Variants in NRCAM observed in about 807,000 individuals in gnomAD.
NRCAM encodes the protein NgCAM-related cell adhesion molecule.
A neutral mutation model predicts 156.5 loss-of-function variants in NRCAM; 83 were observed. That is an observed-to-expected ratio of 0.53 (90% CI 0.44 to 0.64). The LOEUF (loss-of-function observed/expected upper bound fraction) is 0.64. Among genes scored for constraint, NRCAM ranks in the 30% least tolerant of loss-of-function variants. NRCAM has a pLI of 0.00. For missense variants in NRCAM, 1,417 were observed against 1,597.3 expected, an observed-to-expected ratio of 0.89 and a Z score of 1.92; for synonymous variants, 538 against 563.9, an observed-to-expected ratio of 0.95 and a Z score of 0.65.
chr7:108,428,638 G>C (rs1820561692), intron 1 of NRCAM, among the ~76,000 whole-genome samples: 1 of 152,152 alleles, frequency 6.6e-6, no homozygotes, highest in Non-Finnish European at 1.5e-5. Context: ...GGGCAAATCT[G>C]TAATACACAA....
rs6944707 is a variant in NRCAM, at chr7:108,357,627, G to A, written c.-174+41809C>T. Among the ~76,000 whole-genome samples the A allele has an allele frequency of 6.6e-5, 10 of 151,806 alleles. No homozygotes were observed. The South Asian group carries it at 1.3e-3, about 19-fold the overall frequency. On this transcript the variant is annotated intron_variant, in intron 2 of 32. Coordinates refer to ENST00000379028, the MANE Select transcript of NRCAM (RefSeq NM_001037132.4). The stretch of plus-strand genomic sequence containing the variant: ...ATTACAGGTGTGAGCCACCGGGCCC[G>A]GCCAAGTGGGGCCAACATTTTAATG...
At chr7:108,228,870 C>T (rs909294742) in intron 8 of NRCAM, among the ~76,000 whole-genome samples, 1 of 152,100 alleles carries the variant, frequency 6.6e-6, no homozygotes, top group African/African-American at 2.4e-5. Flanking sequence ...ATTTACTTAG[C>T]TATATATTTG....
intron 3 of NRCAM, among the ~76,000 whole-genome samples, chr7:108,311,689 A>G (rs2098805576): frequency 1.3e-5 from 2 of 152,220 alleles, no homozygotes; most frequent in Non-Finnish European, 2.9e-5. Flanking sequence ...GTCAGTTTCA[A>G]TACAACACAA....
chr7:108,395,435 G>A (rs1265730690), intron 2 of NRCAM, among the ~76,000 whole-genome samples: 1 of 152,198 alleles, frequency 6.6e-6, no homozygotes, highest in Non-Finnish European at 1.5e-5. Context: ...TGATGGGATT[G>A]AATTTGTACC....
intron 8 of NRCAM, 108 bp from the exon 9 acceptor site, chr7:108,226,486 A>G (rs2093459793): frequency 1.4e-6 from 1 of 691,636 alleles, no homozygotes. Flanking sequence ...TCATTTGAAT[A>G]TATTTTTTCT....
rs553240358 is a variant in NRCAM at position 108,442,602 on chromosome 7, C to G, written c.-332+13641G>C. 3.9e-5 allele frequency among the ~76,000 whole-genome samples: 6 copies of G among 152,318 alleles called. No homozygotes were observed. In the South Asian group the frequency reaches 1.2e-3, roughly 32 times the overall value. ...GATTAACCATTCAAAGTAGTAAAAGCTGGTGATTACCAGCTGGTGATTTAC... is the reference window on the plus strand; with the variant it reads ...GATTAACCATTCAAAGTAGTAAAAGGTGGTGATTACCAGCTGGTGATTTAC... On this transcript the variant is annotated intron_variant, in intron 1 of 32. Transcript: ENST00000379028.
chr7:108,268,628 GGGGGGGT>G (rs2097201365), intron 3 of NRCAM, among the ~76,000 whole-genome samples: 1 of 133,870 alleles, frequency 7.5e-6, no homozygotes, highest in Non-Finnish European at 1.6e-5. Context: ...GTGGGGGTGG[GGGGGGGT>G]TGGGGGGGGC....
At chr7:108,241,321 G>T (rs910505168) in intron 3 of NRCAM, among the ~76,000 whole-genome samples, 1 of 152,236 alleles carries the variant, frequency 6.6e-6, no homozygotes, top group Admixed American at 6.5e-5. Flanking sequence ...GCAAAATGGA[G>T]AGCATGAGCA....
At chr7:108,427,827 G>A (rs985572057) in intron 1 of NRCAM, among the ~76,000 whole-genome samples, 5 of 152,150 alleles carry the variant, frequency 3.3e-5, no homozygotes, top group African/African-American at 1.2e-4. Context: ...ACCAAATACA[G>A]TTATTTCAAT....
chr7:108,277,195 A>T (rs987119371), intron 3 of NRCAM, among the ~76,000 whole-genome samples: 6 of 152,078 alleles, frequency 3.9e-5, no homozygotes, highest in South Asian at 4.1e-4. Context: ...ACCTTGGTGA[A>T]TCTGACAACT....
At position 108,397,317 on chromosome 7, in the gene NRCAM, A is replaced by G. The variant is rs781275413; in HGVS notation, c.-174+2119T>C. Reference sequence around the variant, plus strand: ...AAATCGAGCATTTTGTAGCTTTCCAATGGGTATTAAGGAAAAAAATCAGTA... The same window carrying G: ...AAATCGAGCATTTTGTAGCTTTCCAGTGGGTATTAAGGAAAAAAATCAGTA... On this transcript the variant is annotated intron_variant, in intron 2 of 32. Transcript: ENST00000379028. 7.2e-5 allele frequency among the ~76,000 whole-genome samples: 11 copies of G among 152,200 alleles called. 1 individual carries two copies. Among genetic ancestry groups the G allele is most frequent in the Admixed American group, 1.3e-4 (2 of 15,276 alleles).
chr7:108,369,217 T>A (rs765889725), intron 2 of NRCAM, among the ~76,000 whole-genome samples: 7 of 152,096 alleles, frequency 4.6e-5, no homozygotes, highest in Non-Finnish European at 8.8e-5. Context: ...TCTGAGTAAT[T>A]TTATATTTAT....
At chr7:108,382,595 T>C (rs921748759) in intron 2 of NRCAM, among the ~76,000 whole-genome samples, 1 of 151,884 alleles carries the variant, frequency 6.6e-6, no homozygotes, top group African/African-American at 2.4e-5. Flanking sequence ...GGCAACAGAA[T>C]GAGACTCCAT....
At chr7:108,285,540 A>T (rs2098061960) in intron 3 of NRCAM, among the ~76,000 whole-genome samples, 1 of 152,216 alleles carries the variant, frequency 6.6e-6, no homozygotes, top group African/African-American at 2.4e-5. Flanking sequence ...CAAGGATAAC[A>T]GACTAACTAG....
chr7:108,364,935 T>C (rs2099582992), intron 2 of NRCAM, among the ~76,000 whole-genome samples: 1 of 152,158 alleles, frequency 6.6e-6, no homozygotes, highest in Non-Finnish European at 1.5e-5. Flanking sequence ...CACAACTCAA[T>C]TGTGCACTTT....
intron 2 of NRCAM, among the ~76,000 whole-genome samples, chr7:108,319,275 T>C (rs948577573): frequency 3.3e-5 from 5 of 152,226 alleles, no homozygotes; most frequent in Non-Finnish European, 7.3e-5. Context: ...TAATACTTTC[T>C]GTGTCCTTGA....
At chr7:108,375,178 A>T (rs770488126) in intron 2 of NRCAM, among the ~76,000 whole-genome samples, 5 of 152,072 alleles carry the variant, frequency 3.3e-5, no homozygotes, top group Admixed American at 1.3e-4. Context: ...ATATGTGCCT[A>T]TTTCCTCCTT....
At chr7:108,381,087 C>T (rs2099698888) in intron 2 of NRCAM, among the ~76,000 whole-genome samples, 2 of 151,998 alleles carry the variant, frequency 1.3e-5, no homozygotes, top group South Asian at 4.2e-4. Context: ...GAGAAAAATG[C>T]TTGGCACTAA....
At chr7:108,150,662 C>A (rs2040882153) in intron 32 of NRCAM, 1 of 509,384 alleles carries the variant, frequency 2.0e-6, no homozygotes, top group African/African-American at 2.0e-5. Context: ...ATTTTGTTAT[C>A]AATGCAGGCC....
Sources: gnomAD v4.1 joint callset for allele counts (sites outside exome capture counted in the v4.1 genomes callset) on GRCh38, gnomAD v4.1.1 for gene constraint, MANE v1.5 for transcripts, NCBI Gene and HGNC (gene_info 2026-07-23, HGNC 2026-07-21) for gene names.